Variants in OXSR1 observed in about 807,000 individuals in gnomAD.
OXSR1 encodes the protein oxidative stress responsive kinase 1.
Under a neutral mutation model 79.8 loss-of-function variants are expected in OXSR1, and 24 were observed. That is an observed-to-expected ratio of 0.30 (90% CI 0.22 to 0.42). The LOEUF is 0.42. Ranked by LOEUF, OXSR1 falls within the 10% of genes least tolerant of loss-of-function variation. OXSR1 has a pLI of 1.00. For synonymous variants in OXSR1, 226 were observed against 209.2 expected (o/e 1.08, Z -0.69); for missense variants, 430 against 618.4 (o/e 0.70, Z 3.23).
chr3:38,178,622 T>TATATA (rs1559501065), intron 1 of OXSR1, among the ~76,000 whole-genome samples: 83 of 69,432 alleles, frequency 1.2e-3, no homozygotes, highest in African/African-American at 3.4e-3. Context: ...ATATATATAT[T>TATATA]TTTTTTTTTT....
rs370312560 is a variant in OXSR1, at chr3:38,187,631, A to G, written c.184-3100A>G. Among the ~76,000 whole-genome samples, 3 of 152,222 alleles carry G rather than the reference A, an allele frequency of 2.0e-5. No individual in the cohort carries two copies. In the South Asian group the frequency reaches 6.2e-4, roughly 31 times the overall value. On this transcript the variant is annotated intron_variant, in intron 2 of 17. Coordinates refer to ENST00000311806, the MANE Select transcript of OXSR1 (RefSeq NM_005109.3). ...ACCATTAGAAAAAAAAGGCTTCAGA[A>G]AGCTTGAGGTGGAGAACTAAATAGT... is the stretch of plus-strand genomic sequence containing the variant.
At position 38,253,537 on chromosome 3, in the gene OXSR1, A is replaced by G. The variant is rs147719146; in HGVS notation, c.*646A>G. On this transcript the variant is annotated 3_prime_UTR_variant, in exon 18 of 18. Coordinates refer to ENST00000311806, the MANE Select transcript of OXSR1 (RefSeq NM_005109.3). ...ATTGCTCTCTCCAGAAAGGGTTGCT[A>G]GCCTTAACTTCAGCTGGTGCAAAAC... 4 of 152,722 alleles carry G rather than the reference A, an allele frequency of 2.6e-5. No homozygotes were observed. Among genetic ancestry groups the G allele is most frequent in the African/African-American group, 9.6e-5 (4 of 41,530 alleles). The allele number at this position is 152,722 out of a possible 1,614,324, so 9.5% of individuals were successfully genotyped here.
chr3:38,208,325 G>A (rs1053023318), intron 4 of OXSR1, among the ~76,000 whole-genome samples: 1 of 152,040 alleles, frequency 6.6e-6, no homozygotes, highest in Non-Finnish European at 1.5e-5. Context: ...CTTAGGATGG[G>A]TTTATTGGGA....
intron 1 of OXSR1, among the ~76,000 whole-genome samples, chr3:38,175,209 T>G (rs1254843560): frequency 6.6e-6 from 1 of 152,244 alleles, no homozygotes; most frequent in Non-Finnish European, 1.5e-5. Flanking sequence ...TAGTGATGGC[T>G]GGGCACAATT....
At chr3:38,220,697 C>CTCCAGTGACCCTTAATTTCTT (rs1702571866) in intron 5 of OXSR1, among the ~76,000 whole-genome samples, 2 of 152,224 alleles carry the variant, frequency 1.3e-5, no homozygotes, top group Admixed American at 6.5e-5. Context: ...CATGGCTCAG[C>CTCCAGTGACCCTTAATTTCTT]TCCAGTGACC....
intron 15 of OXSR1, among the ~76,000 whole-genome samples, 186 bp from the exon 16 acceptor site, chr3:38,251,217 C>G (rs918842921): frequency 5.3e-5 from 8 of 152,154 alleles, no homozygotes; most frequent in Non-Finnish European, 7.4e-5. Context: ...GAGAATTCCA[C>G]TTGAGATAAT....
chr3:38,204,151 C>T (rs574308866), intron 4 of OXSR1, among the ~76,000 whole-genome samples: 231 of 152,284 alleles, frequency 1.5e-3, no homozygotes, highest in Non-Finnish European at 2.5e-3. Context: ...GCCTGGCTAC[C>T]CCCAGTGTTC....
At chr3:38,174,733 G>A (rs2125802536) in intron 1 of OXSR1, among the ~76,000 whole-genome samples, 1 of 152,270 alleles carries the variant, frequency 6.6e-6, no homozygotes, top group East Asian at 1.9e-4. Context: ...TTGAAGTTAG[G>A]AGGATTTGCT....
At chr3:38,204,121 C>T (rs1702222937) in intron 4 of OXSR1, among the ~76,000 whole-genome samples, 1 of 152,190 alleles carries the variant, frequency 6.6e-6, no homozygotes, top group African/African-American at 2.4e-5. Context: ...CACCACTGCC[C>T]CAAGCTCATG....
chr3:38,205,749 C>T (rs1702254224), intron 4 of OXSR1, among the ~76,000 whole-genome samples: 1 of 152,208 alleles, frequency 6.6e-6, no homozygotes, highest in African/African-American at 2.4e-5. Context: ...GCCTTAGAAC[C>T]TCCATGCTGA....
Position 38,254,044 on chromosome 3 carries a change from T to C in OXSR1, c.*1153T>C, listed in dbSNP as rs1703311895. On this transcript the variant is annotated 3_prime_UTR_variant, in exon 18 of 18. Transcript: ENST00000311806. ...TAGGTTTAAAAAAGAGCACTCATAA[T>C]GCAATATGTGAATAATCAGTGAGGT... 1 of 396,648 alleles carries C rather than the reference T, an allele frequency of 2.5e-6. No individual in the cohort carries two copies. 24.6% of individuals were successfully genotyped at this position (396,648 alleles called of 1,614,324 possible).
chr3:38,175,072 T>G (rs954009503), intron 1 of OXSR1, among the ~76,000 whole-genome samples: 2 of 152,240 alleles, frequency 1.3e-5, no homozygotes, highest in South Asian at 4.1e-4. Context: ...TAAATTCTTA[T>G]GTTTTGTGTG....
intron 13 of OXSR1, among the ~76,000 whole-genome samples, chr3:38,246,658 T>C (rs1382990891): frequency 6.6e-6 from 1 of 152,206 alleles, no homozygotes. Context: ...TATTTGTCAA[T>C]TTTGTGAGGG....
chr3:38,164,093 C>T (rs1701374558), upstream of OXSR1, among the ~76,000 whole-genome samples: 1 of 152,130 alleles, frequency 6.6e-6, no homozygotes, highest in African/African-American at 2.4e-5. Context: ...CAAGATTTTC[C>T]TTTATTTCCA....
chr3:38,191,936 A>T (rs1369911795), intron 3 of OXSR1, among the ~76,000 whole-genome samples: 2 of 152,212 alleles, frequency 1.3e-5, no homozygotes, highest in East Asian at 3.8e-4. Context: ...ACTTTTCGTT[A>T]TCAACTGGGA....
At chr3:38,179,153 C>T (rs1251618734) in intron 1 of OXSR1, among the ~76,000 whole-genome samples, 2 of 151,940 alleles carry the variant, frequency 1.3e-5, no homozygotes, top group Admixed American at 1.3e-4. Flanking sequence ...ACCTCACGCT[C>T]CCTAGTAGCT....
intron 5 of OXSR1, among the ~76,000 whole-genome samples, chr3:38,220,099 G>A (rs1354090004): frequency 6.6e-6 from 1 of 151,914 alleles, no homozygotes; most frequent in Non-Finnish European, 1.5e-5. Context: ...GAGCCACTGT[G>A]CCCAGCCAAG....
chr3:38,223,146 T>G (rs1428630063), intron 6 of OXSR1, among the ~76,000 whole-genome samples: 3 of 152,188 alleles, frequency 2.0e-5, no homozygotes, highest in Non-Finnish European at 4.4e-5. Context: ...TTTGTTTGTT[T>G]ATTTTTAGAG....
At position 38,165,741 on chromosome 3, in the gene OXSR1, G is replaced by T. The variant is rs1575296111; in HGVS notation, c.-136G>T. The stretch of plus-strand genomic sequence containing the variant: ...GTGACCCCGCGCCCCGGCGCCGTCC[G>T]ACCCGTGGCTGTTCCGAGACGATTG... On this transcript the variant is annotated 5_prime_UTR_variant, in exon 1 of 18. Transcript: ENST00000311806. The T allele has an allele frequency of 5.3e-6, 4 of 749,954 alleles. No homozygotes were observed. The East Asian group carries it at 1.2e-4, about 22-fold the overall frequency. 46.5% of individuals were successfully genotyped at this position (749,954 alleles called of 1,614,324 possible).
Sources: allele counts gnomAD v4.1 joint callset (sites outside exome capture counted in the v4.1 genomes callset), GRCh38; gene constraint gnomAD v4.1.1; transcripts MANE v1.5; gene names NCBI Gene and HGNC (gene_info 2026-07-23, HGNC 2026-07-21).